Variants in SH3RF3 observed in about 807,000 individuals in gnomAD.
SH3RF3 encodes the protein E3 ubiquitin-protein ligase SH3RF3.
Under a neutral mutation model 66.3 loss-of-function variants are expected in SH3RF3, and 29 were observed. The observed-to-expected ratio is 0.44, with a 90% confidence interval of 0.33 to 0.60. SH3RF3 has a LOEUF of 0.60. Ranked by LOEUF, SH3RF3 falls within the 20% of genes least tolerant of loss-of-function variation. The pLI is 0.04. For synonymous variants in SH3RF3, 583 were observed against 532.0 expected, an observed-to-expected ratio of 1.10 and a Z score of -1.32; for missense variants, 1,194 against 1,190.9, an observed-to-expected ratio of 1.00 and a Z score of -0.04.
rs146184648 is a variant in SH3RF3, at chr2:109,192,395, G to C, written c.573+62282G>C. ...ATTCTCAAAATGTGGAGTATTTATA[G>C]CATATGTTACTCATAGAAGACATTA... On this transcript the variant is annotated intron_variant, in intron 1 of 9. Transcript: ENST00000309415. Among the ~76,000 whole-genome samples, 332 of 152,294 alleles carry C rather than the reference G, an allele frequency of 2.2e-3. 1 individual carries two copies. The highest frequency in any genetic ancestry group is 7.4e-3 in the African/African-American group (308 of 41,564).
intron 1 of SH3RF3, among the ~76,000 whole-genome samples, chr2:109,338,065 G>A (rs1574581979): frequency 6.6e-6 from 1 of 152,134 alleles, no homozygotes; most frequent in Non-Finnish European, 1.5e-5. Context: ...GCCAGTCTGT[G>A]TGTCATGTGA....
At chr2:109,500,783 T>A (rs548252876) in intron 9 of SH3RF3, among the ~76,000 whole-genome samples, 25 of 151,896 alleles carry the variant, frequency 1.6e-4, no homozygotes, top group African/African-American at 5.8e-4. Flanking sequence ...ACCCCATCTC[T>A]ACAAAAAAAA....
At chr2:109,276,300 T>G (rs112592382) in intron 1 of SH3RF3, among the ~76,000 whole-genome samples, 10 of 152,280 alleles carry the variant, frequency 6.6e-5, no homozygotes, top group Non-Finnish European at 1.2e-4. Context: ...GGGTCACGAT[T>G]AGATGGATAT....
rs773179581 is a variant in SH3RF3, at chr2:109,436,880, T to G, written c.1575-13T>G. On this transcript the variant is annotated splice_polypyrimidine_tract_variant and intron_variant, in intron 6 of 9. Transcript: ENST00000309415. Reference sequence around the variant, plus strand: ...AGCCTCTCATCAGAATTCCTTCTGCTTTCTCTCCACAGGGTGCCTGCAGGA... The same window carrying G: ...AGCCTCTCATCAGAATTCCTTCTGCGTTCTCTCCACAGGGTGCCTGCAGGA... 3 of 1,610,718 alleles carry G rather than the reference T, an allele frequency of 1.9e-6. No individual in the cohort carries two copies. The highest frequency in any genetic ancestry group is 1.7e-5 in the Admixed American group (1 of 59,910).
intron 1 of SH3RF3, among the ~76,000 whole-genome samples, chr2:109,315,624 G>A (rs1398274461): frequency 6.6e-6 from 1 of 152,252 alleles, no homozygotes; most frequent in Non-Finnish European, 1.5e-5. Context: ...AAGGACGTGT[G>A]TGTCCAGAGA....
chr2:109,220,388 C>T (rs1205746737), intron 1 of SH3RF3, among the ~76,000 whole-genome samples: 4 of 152,094 alleles, frequency 2.6e-5, no homozygotes, highest in Non-Finnish European at 5.9e-5. Flanking sequence ...GAGTGTGACA[C>T]CAAAAGCACA....
chr2:109,363,094 G>A (rs1283427691), intron 2 of SH3RF3, among the ~76,000 whole-genome samples: 1 of 151,874 alleles, frequency 6.6e-6, no homozygotes, highest in East Asian at 1.9e-4. Context: ...TACCATATTT[G>A]CATTATTTTA....
chr2:109,351,711 G>A (rs1044672066), intron 2 of SH3RF3, among the ~76,000 whole-genome samples: 35 of 152,280 alleles, frequency 2.3e-4, no homozygotes, highest in East Asian at 7.7e-4. Flanking sequence ...TGACTGCAGC[G>A]GGGCCCCCAG....
intron 5 of SH3RF3, among the ~76,000 whole-genome samples, chr2:109,419,886 A>G (rs2104521239): frequency 6.6e-6 from 1 of 152,352 alleles, no homozygotes; most frequent in South Asian, 2.1e-4. Context: ...GAGTATTCAC[A>G]GTGCAGTTCC....
At chr2:109,144,144 A>G (rs972416793) in intron 1 of SH3RF3, among the ~76,000 whole-genome samples, 2 of 152,262 alleles carry the variant, frequency 1.3e-5, no homozygotes, top group Non-Finnish European at 2.9e-5. Context: ...GACCATAGTT[A>G]ACAATACTCG....
rs536029825 is a variant in SH3RF3 at position 109,249,036 on chromosome 2, C to T, written c.574-98638C>T. On this transcript the variant is annotated intron_variant, in intron 1 of 9. Coordinates refer to ENST00000309415, the MANE Select transcript of SH3RF3 (RefSeq NM_001099289.3). ...AGCTGGGACTATAGGTGCATGCCAC[C>T]ATGCCCAGCTAATTTGTAATTTTGT... Among the ~76,000 whole-genome samples, 926 of 152,198 alleles carry T rather than the reference C, an allele frequency of 6.1e-3. 5 individuals are homozygous for T. The highest frequency in any genetic ancestry group is 0.012 in the South Asian group (56 of 4,818).
At position 109,391,002 on chromosome 2, in the gene SH3RF3, C is replaced by T. The variant is rs1015083050; in HGVS notation, c.946-7588C>T. Among the ~76,000 whole-genome samples, 13 of 152,356 alleles carry T rather than the reference C, an allele frequency of 8.5e-5. No homozygotes were observed. The South Asian group carries it at 2.1e-3, about 24-fold the overall frequency. Reference sequence around the variant, plus strand: ...CCCCCAAGCAGCTAGCACCCAGAGGCGGACAAGGTGGACGGGTGCCACCTG... The same window carrying T: ...CCCCCAAGCAGCTAGCACCCAGAGGTGGACAAGGTGGACGGGTGCCACCTG... On this transcript the variant is annotated intron_variant, in intron 3 of 9. Transcript: ENST00000309415.
intron 2 of SH3RF3, among the ~76,000 whole-genome samples, chr2:109,352,402 G>C (rs922794600): frequency 9.2e-5 from 14 of 152,176 alleles, no homozygotes; most frequent in African/African-American, 2.7e-4. Flanking sequence ...GATTGCCTGG[G>C]GGTAGCGGAG....
At chr2:109,429,125 G>A (rs982953999) in intron 5 of SH3RF3, among the ~76,000 whole-genome samples, 2 of 152,268 alleles carry the variant, frequency 1.3e-5, no homozygotes, top group African/African-American at 4.8e-5. Flanking sequence ...GGCAGGTTGG[G>A]AAGGGCCGGT....
intron 1 of SH3RF3, among the ~76,000 whole-genome samples, chr2:109,345,794 C>G (rs1682679490): frequency 6.6e-6 from 1 of 152,164 alleles, no homozygotes; most frequent in African/African-American, 2.4e-5. Flanking sequence ...CAGGCTGGGC[C>G]AGGGTTTCTT....
intron 8 of SH3RF3, among the ~76,000 whole-genome samples, chr2:109,458,850 C>G (rs979602347): frequency 6.6e-6 from 1 of 152,216 alleles, no homozygotes; most frequent in African/African-American, 2.4e-5. Context: ...GATATTAACA[C>G]ATTTGCCAAA....
chr2:109,365,051 AAAACAAACAAAC>A (rs70958705), intron 2 of SH3RF3, among the ~76,000 whole-genome samples: 1 of 151,484 alleles, frequency 6.6e-6, no homozygotes, highest in Non-Finnish European at 1.5e-5. Context: ...ACACACATAT[AAAACAAACAAAC>A]AAACAAACAA....
chr2:109,261,705 G>A (rs1680359934), intron 1 of SH3RF3, among the ~76,000 whole-genome samples: 1 of 152,160 alleles, frequency 6.6e-6, no homozygotes, highest in African/African-American at 2.4e-5. Flanking sequence ...TGAATTGGGT[G>A]TGTATTTAAA....
chr2:109,412,577 G>A (rs555630157), intron 4 of SH3RF3, among the ~76,000 whole-genome samples: 39 of 152,166 alleles, frequency 2.6e-4, no homozygotes, highest in Non-Finnish European at 5.3e-4. Context: ...AGCCCCTGCT[G>A]GTGCTGCAGG....
Sources: gnomAD v4.1 joint callset for allele counts (sites outside exome capture counted in the v4.1 genomes callset) on GRCh38, gnomAD v4.1.1 for gene constraint, MANE v1.5 for transcripts, NCBI Gene and HGNC (gene_info 2026-07-23, HGNC 2026-07-21) for gene names.